DNAH10: variants seen among roughly 807,000 people sequenced by gnomAD.
The protein encoded by DNAH10 is axonemal beta dynein heavy chain 10.
Under a neutral mutation model 506.6 loss-of-function variants are expected in DNAH10, and 348 were observed. The ratio of observed to expected loss-of-function variants is 0.69; its 90% CI spans 0.63 to 0.75. The LOEUF (loss-of-function observed/expected upper bound fraction) is 0.75, where lower values mean the gene tolerates loss of function less well. DNAH10 is among the 30% of genes least tolerant of loss of function. The pLI is 0.00. For missense variants in DNAH10, 5,179 were observed against 5,787.1 expected (o/e 0.89, Z 3.41); for synonymous variants, 2,059 against 2,198.6 (o/e 0.94, Z 1.78).
chr12:123,848,907 C>T, intron 34 of DNAH10, 25 bp downstream of exon 34: 1 of 1,611,094 alleles, frequency 6.2e-7, no homozygotes, highest in Non-Finnish European at 8.5e-7. Flanking sequence ...GCCCCCGGGA[C>T]CATGTCCCTA....
chr12:123,855,662 GTATA>G (rs747780666), intron 36 of DNAH10, among the ~76,000 whole-genome samples: 27 of 143,602 alleles, frequency 1.9e-4, no homozygotes, highest in Non-Finnish European at 3.4e-4. Context: ...ATAATAAAAA[GTATA>G]TATATATATA....
chr12:123,849,408 G>C (rs1023972607), intron 34 of DNAH10, among the ~76,000 whole-genome samples: 12 of 152,172 alleles, frequency 7.9e-5, no homozygotes, highest in African/African-American at 2.7e-4. Context: ...GCAGACTTGA[G>C]TTTGAGAAGT....
rs1954901716 is a variant in DNAH10 at position 123,925,441 on chromosome 12, T to C, written c.11921+237T>C. The C allele has an allele frequency of 2.4e-6, 1 of 416,236 alleles. No homozygotes were observed. Among genetic ancestry groups the C allele is most frequent in the Non-Finnish European group, 4.2e-6 (1 of 239,392 alleles). 25.8% of individuals were successfully genotyped at this position (416,236 alleles called of 1,614,324 possible). A position where few individuals can be genotyped will look rare whatever the true frequency, so the allele number is the denominator to read the frequency against. ...GTTTCGAAAGTTCTAGTAGCTACAT[T>C]AGAAAAGAAATGGGCGCAATTAATT... On this transcript the variant is annotated intron_variant, in intron 68 of 78. Coordinates refer to ENST00000673944, the MANE Select transcript of DNAH10 (RefSeq NM_001372106.1). This position sits in a 1 kb window ranked among gnomAD's most constrained non-coding sequence, Gnocchi z 4.0.
Position 123,762,311 on chromosome 12 carries a change from C to A in DNAH10, c.-26C>A, listed in dbSNP as rs1354004157. On this transcript the variant is annotated 5_prime_UTR_variant, in exon 1 of 79. Transcript: ENST00000673944. This position sits in a 1 kb window ranked among gnomAD's most constrained non-coding sequence, Gnocchi z 5.0. ...TTGCCACGGACGCCCGCCCTGCGCC[C>A]GGCTCCCTCTGCACTGCGCGGCGCC... The A allele has an allele frequency of 3.2e-6, 4 of 1,233,892 alleles. No homozygotes were observed. The highest frequency in any genetic ancestry group is 4.0e-6 in the Non-Finnish European group (4 of 988,108). 76.4% of individuals were successfully genotyped at this position (1,233,892 alleles called of 1,614,324 possible). A position where few individuals can be genotyped will look rare whatever the true frequency, so the allele number is the denominator to read the frequency against.
At chr12:123,786,069 T>C in intron 9 of DNAH10, 133 bp downstream of exon 9, 16 of 1,099,172 alleles carry the variant, frequency 1.5e-5, no homozygotes, top group South Asian at 3.2e-5. Flanking sequence ...CTGGCTCTTA[T>C]GGCTGGGCAC....
At chr12:123,870,531 T>C (rs1951988311) in intron 44 of DNAH10, 46 bp downstream of exon 44, 1 of 1,593,216 alleles carries the variant, frequency 6.3e-7, no homozygotes, top group Non-Finnish European at 8.5e-7. Context: ...GAGTGTGTGA[T>C]ACTCGCTCTA....
intron 2 of DNAH10, among the ~76,000 whole-genome samples, chr12:123,770,038 C>T (rs1395828969): frequency 2.7e-5 from 4 of 150,598 alleles, no homozygotes; most frequent in Admixed American, 1.3e-4. Flanking sequence ...GTCAGGAGTT[C>T]GAGACTAGCC....
rs116807198 is a variant in DNAH10, at chr12:123,916,935, C to T, written c.11002+199C>T. On this transcript the variant is annotated intron_variant, in intron 63 of 78. Coordinates refer to ENST00000673944, the MANE Select transcript of DNAH10 (RefSeq NM_001372106.1). This position sits in a 1 kb window ranked among gnomAD's most constrained non-coding sequence, Gnocchi z 4.6. ...GCCATGAGTCACCTGTCATGAGTCA[C>T]GCTGAGACGGGGCCGTGGGCTTATG... Among the ~76,000 whole-genome samples the T allele has an allele frequency of 2.6e-5, 4 of 152,200 alleles. No individual in the cohort carries two copies. Among genetic ancestry groups the T allele is most frequent in the African/African-American group, 7.2e-5 (3 of 41,432 alleles).
chr12:123,792,644 A>G (rs773009468), intron 11 of DNAH10, among the ~76,000 whole-genome samples: 1 of 151,878 alleles, frequency 6.6e-6, no homozygotes, highest in Non-Finnish European at 1.5e-5. Context: ...GTTTTTTAGT[A>G]GAGACAGAGT....
rs1345042500 is a variant in DNAH10 at position 123,845,643 on chromosome 12, G to A, written c.5404G>A (p.Ala1802Thr). Residue 1802 changes from alanine to threonine, a missense_variant, in exon 31 of 79, where the codon GCT becomes ACT. This residue lies in a region of DNAH10 where 4,844 missense variants were observed against 5,430.5 expected (regional missense o/e 0.89). Coordinates refer to ENST00000673944, the MANE Select transcript of DNAH10 (RefSeq NM_001372106.1). ...LLYQGMVVLAASQVWWTWEVE... is the reference protein window; with the variant it reads ...LLYQGMVVLATSQVWWTWEVE... The stretch of plus-strand genomic sequence containing the variant: ...GTACCAGGGCATGGTGGTGCTGGCC[G>A]CTAGCCAGGTGTGGTGGACCTGGGA... The A allele has an allele frequency of 7.4e-6, 12 of 1,613,384 alleles. No individual in the cohort carries two copies. Among genetic ancestry groups the A allele is most frequent in the Admixed American group, 6.7e-5 (4 of 59,972 alleles).
At position 123,762,702 on chromosome 12, in the gene DNAH10, C is replaced by T. The variant is rs757033598; in HGVS notation, c.214+152C>T. Among the ~76,000 whole-genome samples the T allele has an allele frequency of 3.9e-5, 6 of 152,202 alleles. No individual in the cohort carries two copies. Among genetic ancestry groups the T allele is most frequent in the Non-Finnish European group, 8.8e-5 (6 of 68,044 alleles). ...GCTGCCGCCCGCCACGTGCAGGCCC[C>T]GGGCGAACCCAGCAATCACAGCCGT... On this transcript the variant is annotated intron_variant, in intron 1 of 78. Transcript: ENST00000673944. The surrounding 1 kb of genome is among the most constrained non-coding windows in gnomAD (Gnocchi z 5.0).
At chr12:123,805,677 A>G (rs1958641322) in intron 18 of DNAH10, among the ~76,000 whole-genome samples, 1 of 151,850 alleles carries the variant, frequency 6.6e-6, no homozygotes. Flanking sequence ...AGTAGTGTTC[A>G]TTTTATCATG....
intron 58 of DNAH10, 81 bp from the exon 59 acceptor site, chr12:123,910,455 C>T (rs759894078): frequency 1.8e-5 from 27 of 1,524,850 alleles, no homozygotes; most frequent in South Asian, 2.5e-5. Context: ...GAATAAGAAA[C>T]TAGTTATGCT....
At chr12:123,799,057 A>G (rs1029630957) in intron 13 of DNAH10, among the ~76,000 whole-genome samples, 189 bp from the exon 14 acceptor site, 2 of 147,798 alleles carry the variant, frequency 1.4e-5, no homozygotes, top group Non-Finnish European at 3.0e-5. Flanking sequence ...GTGAGCTGAG[A>G]TCGCGCTACT....
At chr12:123,869,206 C>T (rs74688690) in intron 43 of DNAH10, among the ~76,000 whole-genome samples, 263 of 152,298 alleles carry the variant, frequency 1.7e-3, no homozygotes, top group Non-Finnish European at 3.0e-3. Flanking sequence ...TCTGTTTGGC[C>T]TCATGGGGAT....
rs748303129 is a variant in DNAH10, at chr12:123,845,872, G to A, written c.5630+3G>A. The stretch of plus-strand genomic sequence containing the variant: ...GTTGATTCTTTCATAAGAGGCAGGT[G>A]AGCATTTTCCGGGGTCACTGGCATT... On this transcript the variant is annotated splice_donor_region_variant and intron_variant, in intron 31 of 78. Transcript: ENST00000673944. The A allele has an allele frequency of 6.2e-7, 1 of 1,613,520 alleles. No homozygotes were observed. Among genetic ancestry groups the A allele is most frequent in the South Asian group, 1.1e-5 (1 of 91,082 alleles).
At chr12:123,839,142 G>T (rs1226934959) in intron 29 of DNAH10, among the ~76,000 whole-genome samples, 1 of 151,322 alleles carries the variant, frequency 6.6e-6, no homozygotes, top group Non-Finnish European at 1.5e-5. Context: ...TAAGCCTGAT[G>T]ATATTCACTG....
In DNAH10 at chr12:123,809,304, G is replaced by A. The variant is rs116274244; in HGVS notation, c.3144+351G>A. 6.5e-3 allele frequency among the ~76,000 whole-genome samples: 993 copies of A among 152,196 alleles called. 11 individuals are homozygous for A. Among genetic ancestry groups the A allele is most frequent in the African/African-American group, 0.023 (940 of 41,510 alleles). ...CCCTCTCCTGGACTGTTGCAGTGAC[G>A]TTCCATCAATCCATTCTCCACCACC... is the stretch of plus-strand genomic sequence containing the variant. On this transcript the variant is annotated intron_variant, in intron 19 of 78. Transcript: ENST00000673944.
chr12:123,850,445 C>A lies in DNAH10; in HGVS notation c.6103-443C>A, dbSNP rs545817259. ...AAAGCCAGGTGAGAGGAATGGAAGC[C>A]GGCGCTGTGTGAGGTGGTGGGCTGG... On this transcript the variant is annotated intron_variant, in intron 34 of 78. Transcript: ENST00000673944. The surrounding 1 kb of genome is among the most constrained non-coding windows in gnomAD (Gnocchi z 5.5). 1.3e-5 allele frequency among the ~76,000 whole-genome samples: 2 copies of A among 152,148 alleles called. No individual in the cohort carries two copies. Among genetic ancestry groups the A allele is most frequent in the African/African-American group, 4.8e-5 (2 of 41,426 alleles).
Sources: gnomAD v4.1 joint callset for allele counts (sites outside exome capture counted in the v4.1 genomes callset) on GRCh38, gnomAD v4.1.1 for gene constraint, gnomAD v4.1.1 regional missense constraint, Gnocchi (gnomAD v3.1) non-coding constraint, MANE v1.5 for transcripts, NCBI Gene and HGNC (gene_info 2026-07-23, HGNC 2026-07-21) for gene names.